The following CR1 variants were observed in gnomAD, a reference collection of about 807,000 sequenced individuals.
CR1 encodes the protein complement receptor type 1.
CR1 carries 116 observed loss-of-function variants against 187.3 expected under a neutral mutation model. The observed-to-expected ratio is 0.62, with a 90% CI of 0.53 to 0.72. The LOEUF (loss-of-function observed/expected upper bound fraction) is 0.72, where lower values mean the gene tolerates loss of function less well. Ranked by LOEUF, CR1 falls within the 30% of genes least tolerant of loss-of-function variation. The pLI, the probability that CR1 is intolerant of heterozygous loss-of-function variation, is 0.00. For missense variants in CR1, 1,731 were observed against 2,110.7 expected (o/e 0.82, Z 3.52); for synonymous variants, 576 against 747.1 (o/e 0.77, Z 3.73).
chr1:207,509,766 C>T (rs771554537), intron 3 of CR1, among the ~76,000 whole-genome samples: 66 of 152,266 alleles, frequency 4.3e-4, no homozygotes, highest in Middle Eastern at 6.8e-3. Context: ...TCCAGGATCC[C>T]TTGTTCCTAA....
intron 35 of CR1, among the ~76,000 whole-genome samples, chr1:207,596,486 T>A (rs1207694764): frequency 6.6e-6 from 1 of 151,966 alleles, no homozygotes; most frequent in Non-Finnish European, 1.5e-5. Flanking sequence ...TGGTGGCGCA[T>A]GCCTGTAATC....
chr1:207,633,817 C>T (rs1662724973), intron 46 of CR1, among the ~76,000 whole-genome samples: 1 of 152,156 alleles, frequency 6.6e-6, no homozygotes, highest in Non-Finnish European at 1.5e-5. Context: ...GTTTATTTCA[C>T]CTGGGTGCAG....
intron 44 of CR1, among the ~76,000 whole-genome samples, chr1:207,622,569 T>G (rs1321949492): frequency 6.6e-6 from 1 of 152,238 alleles, no homozygotes; most frequent in Non-Finnish European, 1.5e-5. Context: ...GGTCTACTTA[T>G]CTGTGGAGAC....
At chr1:207,604,832 G>A (rs958064334) in intron 35 of CR1, among the ~76,000 whole-genome samples, 22 of 152,174 alleles carry the variant, frequency 1.4e-4, no homozygotes, top group African/African-American at 4.1e-4. Context: ...GAAGTAGAGA[G>A]TAGAAAGGTG....
chr1:207,602,019 G>A (rs1661621213), intron 35 of CR1, among the ~76,000 whole-genome samples: 1 of 151,994 alleles, frequency 6.6e-6, no homozygotes, highest in African/African-American at 2.4e-5. Context: ...TTTGTGGTTA[G>A]CCTCTGAAGT....
chr1:207,636,808 A>C (rs1352840486), intron 46 of CR1, among the ~76,000 whole-genome samples: 1 of 152,252 alleles, frequency 6.6e-6, no homozygotes, highest in African/African-American at 2.4e-5. Flanking sequence ...CGGTTGGTCC[A>C]TGGACATAGA....
chr1:207,519,023 G>T (rs377486656), intron 4 of CR1, among the ~76,000 whole-genome samples: 2 of 152,178 alleles, frequency 1.3e-5, no homozygotes, highest in Admixed American at 6.5e-5. Flanking sequence ...TGAAATTTTT[G>T]GTTTATTCTT....
At chr1:207,521,220 G>A (rs1358476009) in intron 4 of CR1, among the ~76,000 whole-genome samples, 5 of 151,694 alleles carry the variant, frequency 3.3e-5, no homozygotes, top group Non-Finnish European at 5.9e-5. Flanking sequence ...GAGGTGATCT[G>A]CCCACCTCGG....
chr1:207,511,723 T>C, intron 4 of CR1, 69 bp downstream of exon 4: 24 of 1,462,944 alleles, frequency 1.6e-5, no homozygotes, highest in Non-Finnish European at 2.2e-5. Flanking sequence ...ATAATAAAAA[T>C]CTTAACTGAA....
chr1:207,514,451 G>T (rs111284400), intron 4 of CR1, among the ~76,000 whole-genome samples: 4 of 152,168 alleles, frequency 2.6e-5, no homozygotes, highest in Non-Finnish European at 4.4e-5. Flanking sequence ...TAGGGCATGA[G>T]AGCAGAGCCA....
At chr1:207,591,591 A>T (rs1558252943) in intron 35 of CR1, among the ~76,000 whole-genome samples, 1 of 152,206 alleles carries the variant, frequency 6.6e-6, no homozygotes, top group Non-Finnish European at 1.5e-5. Context: ...GAGAAGAAAT[A>T]ACTAAGATCA....
chr1:207,629,137 A>G (rs1662572242), intron 45 of CR1, among the ~76,000 whole-genome samples: 1 of 152,206 alleles, frequency 6.6e-6, no homozygotes, highest in South Asian at 2.1e-4. Context: ...AGACTTCTTC[A>G]TTCAGAGCCC....
At chr1:207,629,817 G>T (rs1662587919) in intron 45 of CR1, among the ~76,000 whole-genome samples, 1 of 152,152 alleles carries the variant, frequency 6.6e-6, no homozygotes, top group Non-Finnish European at 1.5e-5. Context: ...AACCGCTAAG[G>T]CCTGTGTTCA....
chr1:207,613,220 A>T (rs1188071160), intron 39 of CR1, among the ~76,000 whole-genome samples: 1 of 152,178 alleles, frequency 6.6e-6, no homozygotes, highest in Non-Finnish European at 1.5e-5. Flanking sequence ...AGCGGAGACG[A>T]GACACGAGGG....
intron 4 of CR1, among the ~76,000 whole-genome samples, chr1:207,512,078 A>G (rs1043570256): frequency 7.9e-5 from 12 of 152,234 alleles, no homozygotes; most frequent in African/African-American, 2.7e-4. Flanking sequence ...CCCATGCACT[A>G]TAAACCTCAG....
At chr1:207,628,241 T>A (rs1662538539) in intron 45 of CR1, among the ~76,000 whole-genome samples, 1 of 152,110 alleles carries the variant, frequency 6.6e-6, no homozygotes. Context: ...ATTACTACTA[T>A]CTCCTGCCTT....
At chr1:207,521,024 G>C (rs1571515564) in intron 4 of CR1, among the ~76,000 whole-genome samples, 1 of 136,414 alleles carries the variant, frequency 7.3e-6, no homozygotes, top group East Asian at 2.3e-4. Flanking sequence ...ACCTGGGCTG[G>C]AGTGCAGTGG....
chr1:207,596,172 C>G (rs1324054445), intron 35 of CR1, among the ~76,000 whole-genome samples: 1 of 151,402 alleles, frequency 6.6e-6, no homozygotes, highest in Non-Finnish European at 1.5e-5. Context: ...CAAGAGCTAG[C>G]AAGCTTTCTG....
At chr1:207,637,735 T>A (rs1007169986) in intron 46 of CR1, among the ~76,000 whole-genome samples, 1 of 152,228 alleles carries the variant, frequency 6.6e-6, no homozygotes, top group Admixed American at 6.5e-5. Context: ...CCATACACTA[T>A]CATTAACATA....
Sources: allele counts gnomAD v4.1 joint callset (sites outside exome capture counted in the v4.1 genomes callset), GRCh38; gene constraint gnomAD v4.1.1; transcripts MANE v1.5; gene names NCBI Gene and HGNC (gene_info 2026-07-23, HGNC 2026-07-21).